The following HDAC9 variants were observed in gnomAD, a reference collection of about 807,000 sequenced individuals.
HDAC9 encodes MEF-2 interacting transcription repressor (MITR) protein.
Under a neutral mutation model 139.4 loss-of-function variants are expected in HDAC9, and 41 were observed. The observed-to-expected ratio is 0.29, with a 90% CI of 0.23 to 0.38. The LOEUF (loss-of-function observed/expected upper bound fraction) is 0.38, where lower values mean the gene tolerates loss of function less well. Among genes scored for constraint, HDAC9 ranks in the 10% least tolerant of loss-of-function variants. The pLI is 1.00. For synonymous variants in HDAC9, 517 were observed against 476.2 expected, an observed-to-expected ratio of 1.09 and a Z score of -1.12; for missense variants, 1,147 against 1,297.0, an observed-to-expected ratio of 0.88 and a Z score of 1.78.
intron 1 of HDAC9, among the ~76,000 whole-genome samples, chr7:18,434,828 T>C (rs1465003455): frequency 6.6e-6 from 1 of 152,130 alleles, no homozygotes; most frequent in Non-Finnish European, 1.5e-5. Flanking sequence ...CAAAAGCAGT[T>C]TGGTGATTAC....
intron 2 of HDAC9, among the ~76,000 whole-genome samples, chr7:18,549,083 C>A (rs967782757): frequency 2.6e-5 from 4 of 151,962 alleles, no homozygotes; most frequent in African/African-American, 7.2e-5. Flanking sequence ...ACTAAAAATA[C>A]AAAAATTAGC....
intron 1 of HDAC9, among the ~76,000 whole-genome samples, chr7:18,311,717 A>G (rs1037582117): frequency 6.6e-6 from 1 of 152,132 alleles, no homozygotes; most frequent in African/African-American, 2.4e-5. Context: ...GATGAACCAA[A>G]TGGGGAATGT....
chr7:18,989,174 T>A lies in HDAC9; in HGVS notation c.3171-6849T>A, dbSNP rs544082160. On this transcript the variant is annotated intron_variant, in intron 25 of 25. Coordinates refer to ENST00000686413, the MANE Select transcript of HDAC9 (RefSeq NM_178425.4). Reference sequence around the variant, plus strand: ...TTCCTAGTCTCGATGGTCTTTACATTTTGGCATGATTTTGCAGTGGCTGGT... The same window carrying A: ...TTCCTAGTCTCGATGGTCTTTACATATTGGCATGATTTTGCAGTGGCTGGT... Among the ~76,000 whole-genome samples, 1,172 of 149,098 alleles carry A rather than the reference T, an allele frequency of 7.9e-3. 21 individuals carry two copies. Among genetic ancestry groups the A allele is most frequent in the African/African-American group, 0.029 (1,126 of 39,506 alleles).
intron 17 of HDAC9, among the ~76,000 whole-genome samples, chr7:18,824,602 A>C (rs1795271035): frequency 6.6e-6 from 1 of 152,224 alleles, no homozygotes; most frequent in Non-Finnish European, 1.5e-5. Context: ...GGGTCTAGGA[A>C]TATGACTGTA....
chr7:18,515,746 G>A (rs958685747), intron 2 of HDAC9, among the ~76,000 whole-genome samples: 4 of 152,120 alleles, frequency 2.6e-5, no homozygotes, highest in Non-Finnish European at 5.9e-5. Context: ...CAAACCTAAG[G>A]CTTAGAAGAT....
chr7:18,450,827 G>C (rs1223821401), intron 1 of HDAC9, among the ~76,000 whole-genome samples: 1 of 152,022 alleles, frequency 6.6e-6, no homozygotes, highest in Non-Finnish European at 1.5e-5. Context: ...AGAAGGAAAG[G>C]AGTGTTTGTT....
intron 12 of HDAC9, among the ~76,000 whole-genome samples, chr7:18,673,474 A>G (rs2129085073): frequency 6.6e-6 from 1 of 152,212 alleles, no homozygotes. Flanking sequence ...TTTCAAAGAT[A>G]TAGTACAAAA....
intron 1 of HDAC9, among the ~76,000 whole-genome samples, chr7:18,375,902 A>T (rs142284073): frequency 5.3e-5 from 8 of 152,166 alleles, no homozygotes; most frequent in African/African-American, 1.9e-4. Context: ...TTTTTCAAAG[A>T]TGAAATGAAA....
At chr7:18,854,611 C>T (rs960974013) in intron 21 of HDAC9, among the ~76,000 whole-genome samples, 3 of 151,068 alleles carry the variant, frequency 2.0e-5, no homozygotes, top group African/African-American at 2.4e-5. Flanking sequence ...GAGAAAGAAA[C>T]AAAGAGAAAT....
At chr7:18,142,707 C>G (rs910669278) in intron 1 of HDAC9, among the ~76,000 whole-genome samples, 3 of 152,232 alleles carry the variant, frequency 2.0e-5, no homozygotes, top group African/African-American at 7.2e-5. Context: ...GGGCCCAGGC[C>G]TTTGATTTCA....
chr7:18,184,057 G>A (rs548877667), intron 2 of HDAC9, among the ~76,000 whole-genome samples: 31 of 152,224 alleles, frequency 2.0e-4, no homozygotes, highest in African/African-American at 7.2e-4. Context: ...GGGACCAGAA[G>A]TTTTTAGATT....
intron 22 of HDAC9, among the ~76,000 whole-genome samples, chr7:18,895,183 C>G (rs1585248730): frequency 6.6e-6 from 1 of 152,048 alleles, no homozygotes; most frequent in African/African-American, 2.4e-5. Context: ...ATAACTATGT[C>G]AAATAACAAT....
chr7:18,343,213 G>T (rs1782147571), intron 1 of HDAC9, among the ~76,000 whole-genome samples: 1 of 151,338 alleles, frequency 6.6e-6, no homozygotes, highest in South Asian at 2.1e-4. Context: ...TTACTCATCA[G>T]TTTTTTTTAG....
At chr7:18,770,620 C>CG (rs2129163724) in intron 16 of HDAC9, among the ~76,000 whole-genome samples, 1 of 152,028 alleles carries the variant, frequency 6.6e-6, no homozygotes, top group South Asian at 2.1e-4. Flanking sequence ...AACGCTTCTG[C>CG]GGCTTTTGAG....
intron 2 of HDAC9, among the ~76,000 whole-genome samples, chr7:18,178,490 G>A (rs556714346): frequency 1.8e-4 from 28 of 152,284 alleles, no homozygotes; most frequent in African/African-American, 6.7e-4. Flanking sequence ...TCTAAATGTG[G>A]GGAAGTTGCT....
intron 2 of HDAC9, among the ~76,000 whole-genome samples, chr7:18,210,956 G>A (rs1791897245): frequency 6.6e-6 from 1 of 152,096 alleles, no homozygotes; most frequent in African/African-American, 2.4e-5. Context: ...GGACATTTTT[G>A]TACAGGACGG....
chr7:18,441,850 C>T (rs1791796366), intron 1 of HDAC9, among the ~76,000 whole-genome samples: 1 of 152,188 alleles, frequency 6.6e-6, no homozygotes, highest in Non-Finnish European at 1.5e-5. Context: ...TCACTGCAAG[C>T]TCCGCCTCCC....
intron 1 of HDAC9, among the ~76,000 whole-genome samples, chr7:18,089,445 G>T (rs936806520): frequency 6.6e-6 from 1 of 151,978 alleles, no homozygotes; most frequent in African/African-American, 2.4e-5. Context: ...TATTATGGTA[G>T]AAAGAGTTGT....
intron 1 of HDAC9, among the ~76,000 whole-genome samples, chr7:18,468,669 G>T (rs1201797526): frequency 2.6e-5 from 4 of 152,092 alleles, no homozygotes; most frequent in African/African-American, 9.7e-5. Flanking sequence ...TGGGCTTCAG[G>T]TCTTCTAAAA....
Sources: gnomAD v4.1 joint callset for allele counts (sites outside exome capture counted in the v4.1 genomes callset) on GRCh38, gnomAD v4.1.1 for gene constraint, MANE v1.5 for transcripts, NCBI Gene and HGNC (gene_info 2026-07-23, HGNC 2026-07-21) for gene names.